RPTOR: variants seen among roughly 807,000 people sequenced by gnomAD.
The protein encoded by RPTOR is regulatory associated protein of MTOR complex 1.
In RPTOR, 21 loss-of-function variants were observed where a neutral mutation model predicts 169.9. That is an observed-to-expected ratio of 0.12 (90% confidence interval 0.09 to 0.18). The LOEUF (loss-of-function observed/expected upper bound fraction) is 0.18, where lower values mean the gene tolerates loss of function less well. RPTOR is among the 10% of genes least tolerant of loss of function. The pLI is 1.00. For missense variants in RPTOR, 1,133 were observed against 1,855.9 expected (o/e 0.61, Z 7.16); for synonymous variants, 732 against 753.2 (o/e 0.97, Z 0.46).
chr17:80,828,781 A>T (rs62070469), intron 9 of RPTOR, among the ~76,000 whole-genome samples: 5,522 of 152,338 alleles, frequency 0.036, 145 homozygotes, highest in East Asian at 0.069. Flanking sequence ...AACATTGGTT[A>T]TAAGAGGGAA....
intron 1 of RPTOR, among the ~76,000 whole-genome samples, chr17:80,571,546 G>T (rs1310883452): frequency 6.6e-6 from 1 of 152,054 alleles, no homozygotes; most frequent in South Asian, 2.1e-4. Context: ...TTTGAGATCG[G>T]GTCTCATTCT....
chr17:80,568,311 G>A (rs773813253), intron 1 of RPTOR, among the ~76,000 whole-genome samples: 7 of 152,130 alleles, frequency 4.6e-5, no homozygotes, highest in South Asian at 2.1e-4. Context: ...TATAGTACTG[G>A]TATTTTGGTC....
intron 3 of RPTOR, among the ~76,000 whole-genome samples, chr17:80,683,381 GC>G (rs1156352540): frequency 6.6e-6 from 1 of 152,190 alleles, no homozygotes; most frequent in Non-Finnish European, 1.5e-5. Flanking sequence ...TGTCGGAGGT[GC>G]TGATGGCATT....
At chr17:80,929,850 TCTC>T (rs1398411987) in intron 24 of RPTOR, among the ~76,000 whole-genome samples, 3 of 152,204 alleles carry the variant, frequency 2.0e-5, no homozygotes, top group African/African-American at 7.2e-5. Flanking sequence ...TGTCATAGAT[TCTC>T]CCACAAAAAT....
chr17:80,624,448 A>G lies in RPTOR; in HGVS notation c.163-1243A>G, dbSNP rs1444196269. On this transcript the variant is annotated intron_variant, in intron 1 of 33. Transcript: ENST00000306801. ...TTGAAAAAGATAAGTGAATATAAAT[A>G]GCTAAGTAAAATTAAAATTTGAGGG... Among the ~76,000 whole-genome samples, 4 of 152,268 alleles carry G rather than the reference A, an allele frequency of 2.6e-5. No homozygotes were observed. The East Asian group carries it at 7.7e-4, about 29-fold the overall frequency.
At chr17:80,787,899 G>T (rs142916800) in intron 6 of RPTOR, among the ~76,000 whole-genome samples, 94 of 152,222 alleles carry the variant, frequency 6.2e-4, no homozygotes, top group African/African-American at 1.9e-3. Flanking sequence ...GGTTATGATG[G>T]ATATTGCCCC....
intron 11 of RPTOR, 146 bp downstream of exon 11, chr17:80,846,720 T>C (rs1186741511): frequency 1.3e-5 from 9 of 669,620 alleles, no homozygotes; most frequent in African/African-American, 8.9e-5. Context: ...TGATGGTGCA[T>C]GGGCAGGTCG....
chr17:80,822,365 T>C (rs2067388877), intron 8 of RPTOR, 64 bp downstream of exon 8: 6 of 1,495,458 alleles, frequency 4.0e-6, no homozygotes, highest in African/African-American at 1.4e-5. Context: ...GAGCCGACTC[T>C]CGGACATGAG....
At chr17:80,595,395 C>T (rs2065137550) in intron 1 of RPTOR, among the ~76,000 whole-genome samples, 1 of 152,200 alleles carries the variant, frequency 6.6e-6, no homozygotes, top group African/African-American at 2.4e-5. Context: ...CGTGCCTGTT[C>T]TTTATTACAC....
At position 80,646,903 on chromosome 17, in the gene RPTOR, G is replaced by A. The variant is rs532916888; in HGVS notation, c.348+3093G>A. 6.6e-5 allele frequency among the ~76,000 whole-genome samples: 10 copies of A among 152,286 alleles called. No individual in the cohort carries two copies. The highest frequency in any genetic ancestry group is 2.2e-4 in the African/African-American group (9 of 41,566). ...AGTAGGAAATGCCTGTTTTCTCAAC[G>A]GTAGCGTCCATCCAGGAGGTGCAGA... On this transcript the variant is annotated intron_variant, in intron 3 of 33. Coordinates refer to ENST00000306801, the MANE Select transcript of RPTOR (RefSeq NM_020761.3). The surrounding 1 kb of genome is among the most constrained non-coding windows in gnomAD (Gnocchi z 5.0).
At chr17:80,883,268 T>A in intron 14 of RPTOR, 151 bp from the exon 15 acceptor site, 1 of 700,048 alleles carries the variant, frequency 1.4e-6, no homozygotes, top group Non-Finnish European at 2.5e-6. Context: ...TTTTGTAGAG[T>A]CCACGTAAAA....
chr17:80,947,095 G>A lies in RPTOR; in HGVS notation c.3141-132G>A. On this transcript the variant is annotated intron_variant, in intron 26 of 33. Coordinates refer to ENST00000306801, the MANE Select transcript of RPTOR (RefSeq NM_020761.3). The surrounding 1 kb of genome is among the most constrained non-coding windows in gnomAD (Gnocchi z 4.4). ...GCCTCCCAAGTAGCTAGGATGACAG[G>A]TGTGAGCCGCCGTGCCCGGCTGTGG... 2 of 841,098 alleles carry A rather than the reference G, an allele frequency of 2.4e-6. No homozygotes were observed. Among genetic ancestry groups the A allele is most frequent in the Non-Finnish European group, 3.5e-6 (2 of 577,658 alleles). 52.1% of individuals were successfully genotyped at this position (841,098 alleles called of 1,614,324 possible). A position where few individuals can be genotyped will look rare whatever the true frequency, so the allele number is the denominator to read the frequency against.
At chr17:80,815,064 TG>T (rs2067309757) in intron 7 of RPTOR, among the ~76,000 whole-genome samples, 1 of 152,198 alleles carries the variant, frequency 6.6e-6, no homozygotes, top group African/African-American at 2.4e-5. Flanking sequence ...AATAGAAAGA[TG>T]GGGAGGAACA....
chr17:80,823,252 G>C lies in RPTOR; in HGVS notation c.1136+29G>C, dbSNP rs775847512. On this transcript the variant is annotated intron_variant, in intron 9 of 33. Transcript: ENST00000306801. The surrounding 1 kb of genome is among the most constrained non-coding windows in gnomAD (Gnocchi z 4.5). ...AGTGTTTCAGGATCCTCCAGGTGCCGTGCTCCCCCGCCCTCCGTGGCACTG... is the reference window on the plus strand; with the variant it reads ...AGTGTTTCAGGATCCTCCAGGTGCCCTGCTCCCCCGCCCTCCGTGGCACTG... 1.2e-6 allele frequency: 2 copies of C among 1,608,700 alleles called. No individual in the cohort carries two copies. Among genetic ancestry groups the C allele is most frequent in the Non-Finnish European group, 1.7e-6 (2 of 1,176,258 alleles).
chr17:80,829,412 G>C (rs1207313507), intron 9 of RPTOR, among the ~76,000 whole-genome samples: 2 of 152,224 alleles, frequency 1.3e-5, no homozygotes, highest in Non-Finnish European at 2.9e-5. Context: ...GCCAGTCATA[G>C]AGTAGCCAAA....
chr17:80,917,255 G>GGC (rs200962367), intron 21 of RPTOR, among the ~76,000 whole-genome samples: 2,309 of 151,570 alleles, frequency 0.015, 65 homozygotes, highest in African/African-American at 0.053. Context: ...TGGGATTACA[G>GGC]GCACGCGCTA....
At chr17:80,662,535 C>T (rs1281771828) in intron 3 of RPTOR, among the ~76,000 whole-genome samples, 1 of 147,342 alleles carries the variant, frequency 6.8e-6, no homozygotes, top group Admixed American at 6.7e-5. Context: ...CTGAGTCTGC[C>T]TCTGGGTGGG....
chr17:80,864,084 A>G (rs535672783), intron 13 of RPTOR, among the ~76,000 whole-genome samples: 1 of 152,356 alleles, frequency 6.6e-6, no homozygotes, highest in South Asian at 2.1e-4. Flanking sequence ...AAGTATTTGA[A>G]GAAACAATAG....
At chr17:80,637,283 T>C (rs2065515226) in intron 2 of RPTOR, among the ~76,000 whole-genome samples, 1 of 152,192 alleles carries the variant, frequency 6.6e-6, no homozygotes, top group Non-Finnish European at 1.5e-5. Context: ...TGTCATGGCC[T>C]CCCTGCTAGG....
Sources: gnomAD v4.1 joint callset for allele counts (sites outside exome capture counted in the v4.1 genomes callset) on GRCh38, gnomAD v4.1.1 for gene constraint, Gnocchi (gnomAD v3.1) non-coding constraint, MANE v1.5 for transcripts, NCBI Gene and HGNC (gene_info 2026-07-23, HGNC 2026-07-21) for gene names.